The following USH2A variants were observed in gnomAD, a reference collection of about 807,000 sequenced individuals.
USH2A encodes the protein Usher syndrome 2A (autosomal recessive, mild).
Under a neutral mutation model 538.9 loss-of-function variants are expected in USH2A, and 443 were observed. The observed-to-expected ratio is 0.82, with a 90% CI of 0.76 to 0.89. The LOEUF is 0.89. Among genes scored for constraint, USH2A ranks in the 40% least tolerant of loss-of-function variants. USH2A has a pLI of 0.00. For missense variants in USH2A, 6,633 were observed against 6,324.8 expected (o/e 1.05, Z -1.65); for synonymous variants, 2,413 against 2,273.5 (o/e 1.06, Z -1.75).
At chr1:215,669,174 C>T (rs980271694) in intron 64 of USH2A, among the ~76,000 whole-genome samples, 4 of 152,164 alleles carry the variant, frequency 2.6e-5, no homozygotes, top group South Asian at 2.1e-4. Context: ...CATTAAGTTG[C>T]GTTTAATTAG....
At chr1:215,924,450 G>T (rs1666182501) in intron 38 of USH2A, among the ~76,000 whole-genome samples, 1 of 151,920 alleles carries the variant, frequency 6.6e-6, no homozygotes, top group South Asian at 2.1e-4. Context: ...AATGTTCATA[G>T]AATTTTATGC....
At chr1:215,978,516 AC>A (rs1667674530) in intron 35 of USH2A, among the ~76,000 whole-genome samples, 1 of 152,244 alleles carries the variant, frequency 6.6e-6, no homozygotes, top group African/African-American at 2.4e-5. Flanking sequence ...AGTGCAAAGT[AC>A]TATACTTGGT....
At chr1:215,743,146 A>T in intron 59 of USH2A, 31 bp downstream of exon 59, 1 of 1,604,026 alleles carries the variant, frequency 6.2e-7, no homozygotes. Flanking sequence ...TTTTCATAAA[A>T]GCCCAGGCCA....
intron 4 of USH2A, among the ~76,000 whole-genome samples, chr1:216,350,442 C>G (rs1000995532): frequency 1.3e-5 from 2 of 152,112 alleles, no homozygotes; most frequent in Non-Finnish European, 2.9e-5. Flanking sequence ...CCTGTAAAAT[C>G]AAAACCCAGT....
intron 16 of USH2A, chr1:216,203,980 G>A (rs973213160): frequency 6.1e-6 from 1 of 163,272 alleles, no homozygotes; most frequent in Non-Finnish European, 1.5e-5. Flanking sequence ...AGCAAATTAT[G>A]TGCAGATCAG....
At chr1:215,837,691 C>T (rs1663570882) in intron 47 of USH2A, among the ~76,000 whole-genome samples, 1 of 152,062 alleles carries the variant, frequency 6.6e-6, no homozygotes, top group Non-Finnish European at 1.5e-5. Flanking sequence ...TTGTATTATG[C>T]TCCGCAAAAG....
chr1:216,292,696 T>A (rs1325340439), intron 9 of USH2A, among the ~76,000 whole-genome samples: 2 of 152,124 alleles, frequency 1.3e-5, no homozygotes, highest in South Asian at 2.1e-4. Flanking sequence ...CGTGTAATCA[T>A]CACATCTTGG....
intron 19 of USH2A, among the ~76,000 whole-genome samples, chr1:216,192,863 C>T (rs1230146733): frequency 6.6e-6 from 1 of 152,074 alleles, no homozygotes; most frequent in African/African-American, 2.4e-5. Flanking sequence ...TGTAGTTCCA[C>T]ACCATTAATA....
At chr1:215,801,581 A>T (rs74878474) in intron 49 of USH2A, among the ~76,000 whole-genome samples, 1,738 of 152,202 alleles carry the variant, frequency 0.011, 36 homozygotes, top group African/African-American at 0.039. Flanking sequence ...GCTTACCAAG[A>T]AAGCGAAAGA....
intron 38 of USH2A, among the ~76,000 whole-genome samples, chr1:215,912,239 G>A (rs751401493): frequency 6.6e-6 from 1 of 151,832 alleles, no homozygotes; most frequent in Admixed American, 6.6e-5. Context: ...TTGGTTGCCT[G>A]TGCTTGTGGG....
chr1:215,909,254 G>A (rs1233281685), intron 38 of USH2A, among the ~76,000 whole-genome samples: 2 of 151,756 alleles, frequency 1.3e-5, no homozygotes, highest in African/African-American at 4.8e-5. Context: ...CTATAGAGAC[G>A]ATAAAAAGTG....
chr1:215,937,071 G>C (rs1302684897), intron 37 of USH2A, among the ~76,000 whole-genome samples: 1 of 151,902 alleles, frequency 6.6e-6, no homozygotes. Flanking sequence ...AAGCCCTAAT[G>C]GCATAATATA....
intron 55 of USH2A, among the ~76,000 whole-genome samples, chr1:215,773,524 C>CTCTCTCTCTCTCTCTCTCTGTCTT (rs1558091711): frequency 4.0e-5 from 6 of 148,948 alleles, no homozygotes; most frequent in African/African-American, 1.5e-4. Flanking sequence ...CTCTCTCTCT[C>CTCTCTCTCTCTCTCTCTCTGTCTT]TCTCTCTCTG....
At chr1:215,940,748 C>T (rs1666611784) in intron 37 of USH2A, among the ~76,000 whole-genome samples, 1 of 152,250 alleles carries the variant, frequency 6.6e-6, no homozygotes, top group East Asian at 1.9e-4. Context: ...ACTGTAATTA[C>T]TGTAATAGTG....
At chr1:216,283,561 T>C (rs933382625) in intron 11 of USH2A, among the ~76,000 whole-genome samples, 2 of 152,236 alleles carry the variant, frequency 1.3e-5, no homozygotes, top group Non-Finnish European at 2.9e-5. Context: ...TATCTTGCTT[T>C]TGATCTTAGG....
chr1:216,055,334 G>A (rs1198851970), intron 30 of USH2A, among the ~76,000 whole-genome samples: 1 of 152,194 alleles, frequency 6.6e-6, no homozygotes, highest in Non-Finnish European at 1.5e-5. Context: ...CACACAGGCA[G>A]AGCTGCTACT....
At chr1:216,074,330 C>A (rs1410730076) in intron 27 of USH2A, among the ~76,000 whole-genome samples, 4 of 133,300 alleles carry the variant, frequency 3.0e-5, no homozygotes, top group African/African-American at 1.1e-4. Flanking sequence ...CATGTTCTCT[C>A]TCTCTCTCTC....
chr1:215,726,017 T>C (rs995171222), intron 61 of USH2A, among the ~76,000 whole-genome samples: 5 of 152,220 alleles, frequency 3.3e-5, no homozygotes, highest in African/African-American at 1.2e-4. Context: ...AAATGATTAT[T>C]AGGCTCCTAC....
chr1:216,384,800 TAA>T (rs2038978073), intron 3 of USH2A, among the ~76,000 whole-genome samples: 1 of 152,148 alleles, frequency 6.6e-6, no homozygotes, highest in African/African-American at 2.4e-5. Context: ...AGAAAATGGT[TAA>T]AAGACTACTA....
Sources: gnomAD v4.1 joint callset for allele counts (sites outside exome capture counted in the v4.1 genomes callset) on GRCh38, gnomAD v4.1.1 for gene constraint, MANE v1.5 for transcripts, NCBI Gene and HGNC (gene_info 2026-07-23, HGNC 2026-07-21) for gene names.